The following CTNND2 variants were observed in gnomAD, a reference collection of about 807,000 sequenced individuals.
CTNND2 encodes the protein catenin delta-2.
In CTNND2, 22 loss-of-function variants were observed where a neutral mutation model predicts 144.4. The ratio of observed to expected loss-of-function variants is 0.15; its 90% CI spans 0.11 to 0.22. The LOEUF (loss-of-function observed/expected upper bound fraction) is 0.22. Among genes scored for constraint, CTNND2 ranks in the 10% least tolerant of loss-of-function variants. The probability of loss-of-function intolerance (pLI) is 1.00; values close to 1 mark genes in which losing one functional copy is unlikely to be tolerated. For synonymous variants in CTNND2, 751 were observed against 695.6 expected, an observed-to-expected ratio of 1.08 and a Z score of -1.25; for missense variants, 1,353 against 1,618.8, an observed-to-expected ratio of 0.84 and a Z score of 2.82.
chr5:11,617,977 C>T (rs1286787233), intron 2 of CTNND2, among the ~76,000 whole-genome samples: 6 of 152,132 alleles, frequency 3.9e-5, no homozygotes, highest in Admixed American at 2.6e-4. Context: ...AATATCTATC[C>T]TTCAAGGGCT....
chr5:11,583,078 A>G (rs553263296), intron 2 of CTNND2, among the ~76,000 whole-genome samples: 154 of 152,354 alleles, frequency 1.0e-3, no homozygotes, highest in African/African-American at 3.4e-3. Context: ...GAATGCAAAC[A>G]GTAAGCTCTT....
intron 2 of CTNND2, among the ~76,000 whole-genome samples, chr5:11,569,509 A>G (rs1221068604): frequency 2.0e-5 from 3 of 152,176 alleles, no homozygotes; most frequent in Non-Finnish European, 4.4e-5. Context: ...GTTTAATTAA[A>G]TGGAGTTTAT....
At chr5:11,314,919 G>C (rs965231152) in intron 9 of CTNND2, among the ~76,000 whole-genome samples, 1 of 152,106 alleles carries the variant, frequency 6.6e-6, no homozygotes, top group Admixed American at 6.6e-5. Context: ...GCTAAATAAT[G>C]CATAAAGTTT....
intron 9 of CTNND2, among the ~76,000 whole-genome samples, chr5:11,297,859 A>G (rs1363585889): frequency 6.6e-6 from 1 of 152,164 alleles, no homozygotes; most frequent in Non-Finnish European, 1.5e-5. Flanking sequence ...ACAAATTTCC[A>G]TATCTTTAGT....
intron 14 of CTNND2, among the ~76,000 whole-genome samples, chr5:11,104,834 T>G (rs934394573): frequency 6.6e-6 from 1 of 152,154 alleles, no homozygotes; most frequent in Non-Finnish European, 1.5e-5. Flanking sequence ...GACTTTGCAT[T>G]TGAGAGATTA....
chr5:11,887,400 A>C (rs1042661906), intron 1 of CTNND2, among the ~76,000 whole-genome samples: 3 of 152,184 alleles, frequency 2.0e-5, no homozygotes, highest in Non-Finnish European at 2.9e-5. Flanking sequence ...TTTAATTAGA[A>C]ATCAATTTGA....
intron 12 of CTNND2, among the ~76,000 whole-genome samples, chr5:11,135,808 G>A (rs1756086773): frequency 6.6e-6 from 1 of 152,190 alleles, no homozygotes; most frequent in Non-Finnish European, 1.5e-5. Flanking sequence ...TTACCATGCA[G>A]CGAGATGCAG....
chr5:11,227,081 C>T (rs756269858), intron 10 of CTNND2, among the ~76,000 whole-genome samples: 10 of 152,174 alleles, frequency 6.6e-5, no homozygotes, highest in Non-Finnish European at 1.5e-4. Flanking sequence ...TGTTCAATTT[C>T]CTTTGCTGAC....
intron 1 of CTNND2, among the ~76,000 whole-genome samples, chr5:11,830,210 C>T (rs1043235420): frequency 2.6e-5 from 4 of 152,142 alleles, no homozygotes; most frequent in South Asian, 2.1e-4. Flanking sequence ...TGTGGACTTT[C>T]GACTTGATCC....
At chr5:11,855,210 C>T (rs1003060719) in intron 1 of CTNND2, among the ~76,000 whole-genome samples, 3 of 152,180 alleles carry the variant, frequency 2.0e-5, no homozygotes, top group African/African-American at 7.2e-5. Flanking sequence ...GAAACAGGGA[C>T]AGCAGCATCT....
intron 1 of CTNND2, among the ~76,000 whole-genome samples, chr5:11,743,575 G>C (rs1330945077): frequency 6.6e-6 from 1 of 152,150 alleles, no homozygotes; most frequent in Non-Finnish European, 1.5e-5. Context: ...CAGCACCTTT[G>C]AGCCATAGTC....
chr5:10,975,357 A>AGT (rs1736322260), intron 21 of CTNND2, among the ~76,000 whole-genome samples: 2 of 152,120 alleles, frequency 1.3e-5, no homozygotes, highest in African/African-American at 4.8e-5. Flanking sequence ...ACATTTAGCA[A>AGT]ATTCTTTAAT....
At chr5:11,771,838 G>A (rs1789959947) in intron 1 of CTNND2, among the ~76,000 whole-genome samples, 1 of 147,642 alleles carries the variant, frequency 6.8e-6, no homozygotes, top group Non-Finnish European at 1.5e-5. Context: ...ATTTGGGTTA[G>A]GATCATTGCC....
At chr5:11,273,537 A>G (rs955950110) in intron 9 of CTNND2, among the ~76,000 whole-genome samples, 22 of 152,246 alleles carry the variant, frequency 1.4e-4, no homozygotes, top group African/African-American at 5.3e-4. Flanking sequence ...ATAAGCTTGA[A>G]GGAAAATTGG....
chr5:11,509,746 G>C (rs181435377), intron 3 of CTNND2, among the ~76,000 whole-genome samples: 2 of 151,978 alleles, frequency 1.3e-5, no homozygotes, highest in African/African-American at 4.8e-5. Context: ...CTTCTCTTTC[G>C]GCAGAAATGT....
intron 16 of CTNND2, among the ~76,000 whole-genome samples, chr5:11,057,211 AG>A (rs1458487643): frequency 1.3e-5 from 2 of 152,226 alleles, no homozygotes; most frequent in African/African-American, 4.8e-5. Flanking sequence ...AAGAGAAAAC[AG>A]GAAGTTTAAT....
intron 1 of CTNND2, among the ~76,000 whole-genome samples, chr5:11,835,121 G>A (rs1291785635): frequency 1.3e-5 from 2 of 152,204 alleles, no homozygotes; most frequent in African/African-American, 4.8e-5. Flanking sequence ...CTGAGCAACA[G>A]ACTGCAACTA....
At chr5:11,311,498 T>TCA (rs1750853886) in intron 9 of CTNND2, among the ~76,000 whole-genome samples, 2 of 140,682 alleles carry the variant, frequency 1.4e-5, no homozygotes, top group Middle Eastern at 4.5e-3. Flanking sequence ...GCTCTCACAC[T>TCA]CTCTCCATGC....
intron 1 of CTNND2, among the ~76,000 whole-genome samples, chr5:11,816,662 AGGAG>A (rs1161793860): frequency 3.6e-4 from 2 of 5,530 alleles, no homozygotes; most frequent in African/African-American, 4.6e-4. Context: ...AGAGAGAGAG[AGGAG>A]GAGAGAGAGA....
Sources: gnomAD v4.1 joint callset for allele counts (sites outside exome capture counted in the v4.1 genomes callset) on GRCh38, gnomAD v4.1.1 for gene constraint, MANE v1.5 for transcripts, NCBI Gene and HGNC (gene_info 2026-07-23, HGNC 2026-07-21) for gene names.